Variants in CACNA2D1 observed in about 807,000 individuals in gnomAD.
The protein encoded by CACNA2D1 is voltage-dependent calcium channel subunit alpha-2/delta-1.
CACNA2D1 carries 53 observed loss-of-function variants against 171.5 expected under a neutral mutation model. That is an observed-to-expected ratio of 0.31 (90% CI 0.25 to 0.39). The LOEUF is 0.39. CACNA2D1 is among the 10% of genes least tolerant of loss of function. The pLI is 1.00. For missense variants in CACNA2D1, 903 were observed against 1,299.8 expected, an observed-to-expected ratio of 0.69 and a Z score of 4.69; for synonymous variants, 442 against 443.1, an observed-to-expected ratio of 1.00 and a Z score of 0.03.
chr7:82,128,610 T>C (rs1236492483), intron 5 of CACNA2D1, among the ~76,000 whole-genome samples: 3 of 152,128 alleles, frequency 2.0e-5, no homozygotes, highest in African/African-American at 4.8e-5. Flanking sequence ...ACAAAATCAA[T>C]AGATTACACT....
intron 2 of CACNA2D1, among the ~76,000 whole-genome samples, chr7:82,346,429 G>T (rs1274147931): frequency 6.6e-6 from 1 of 152,114 alleles, no homozygotes; most frequent in African/African-American, 2.4e-5. Context: ...AGATCCTAAA[G>T]CTGGCAATTG....
intron 3 of CACNA2D1, among the ~76,000 whole-genome samples, chr7:82,307,849 G>A (rs1461999697): frequency 2.0e-5 from 3 of 152,172 alleles, no homozygotes; most frequent in Non-Finnish European, 4.4e-5. Flanking sequence ...ATATTCAAAA[G>A]CTGGAATACT....
At chr7:82,002,817 A>G (rs1798742665) in intron 18 of CACNA2D1, among the ~76,000 whole-genome samples, 1 of 152,080 alleles carries the variant, frequency 6.6e-6, no homozygotes, top group Admixed American at 6.5e-5. Flanking sequence ...AAAATTAAAT[A>G]TGTGAAAAGT....
intron 6 of CACNA2D1, among the ~76,000 whole-genome samples, chr7:82,100,540 A>G (rs926522778): frequency 2.6e-5 from 4 of 152,212 alleles, no homozygotes; most frequent in African/African-American, 9.6e-5. Flanking sequence ...GTTCAGAATA[A>G]GTTGAAATAA....
chr7:81,975,323 AAAT>A (rs1795727586), intron 24 of CACNA2D1, among the ~76,000 whole-genome samples: 1 of 152,160 alleles, frequency 6.6e-6, no homozygotes, highest in Admixed American at 6.6e-5. Context: ...TATTTTAATA[AAAT>A]ATTACCATTA....
chr7:82,433,903 C>G (rs1305618133), intron 1 of CACNA2D1, among the ~76,000 whole-genome samples: 1 of 152,212 alleles, frequency 6.6e-6, no homozygotes, highest in Admixed American at 6.5e-5. Context: ...TTCCAAATCC[C>G]ATCTCCTGGT....
chr7:82,397,295 A>T lies in CACNA2D1; in HGVS notation c.95+46070T>A, dbSNP rs73384026. ...GTATCATTGTATTTGTACTTAAAAT[A>T]AAAAAATTGAATATTCTTATATGAA... On this transcript the variant is annotated intron_variant, in intron 1 of 38. Coordinates refer to ENST00000356860, the MANE Select transcript of CACNA2D1 (RefSeq NM_000722.4). 3.4e-3 allele frequency among the ~76,000 whole-genome samples: 511 copies of T among 152,102 alleles called. 2 individuals carry two copies. Among genetic ancestry groups the T allele is most frequent in the African/African-American group, 0.012 (491 of 41,380 alleles).
chr7:82,306,528 C>G (rs1213440839), intron 3 of CACNA2D1, among the ~76,000 whole-genome samples: 1 of 152,206 alleles, frequency 6.6e-6, no homozygotes, highest in Non-Finnish European at 1.5e-5. Flanking sequence ...TCCATTGTCA[C>G]AGATTAATGG....
At position 82,075,367 on chromosome 7, in the gene CACNA2D1, TACTC is replaced by T. The variant is rs150269830; in HGVS notation, c.659-8847_659-8844del. The stretch of plus-strand genomic sequence containing the variant: ...GGAAAAGTCGGGTAGTTAAATGAAA[TACTC>T]AATAAAGTAAATGGTACACAAACAT... On this transcript the variant is annotated intron_variant, in intron 7 of 38. Transcript: ENST00000356860. Among the ~76,000 whole-genome samples the T allele has an allele frequency of 5.4e-3, 829 of 152,208 alleles. 6 individuals carry two copies. Among genetic ancestry groups the T allele is most frequent in the African/African-American group, 0.019 (799 of 41,530 alleles).
In CACNA2D1 at chr7:82,307,103, T is replaced by G. The variant is rs567540332; in HGVS notation, c.294+28032A>C. Among the ~76,000 whole-genome samples, 5 of 152,278 alleles carry G rather than the reference T, an allele frequency of 3.3e-5. No individual in the cohort carries two copies. The South Asian group carries it at 1.0e-3, about 32-fold the overall frequency. On this transcript the variant is annotated intron_variant, in intron 3 of 38. Transcript: ENST00000356860. ...ATCTCATTAGACACTCAGAGAGATG[T>G]GGATGTAAATTCCTTAACTTAGGAG...
At chr7:82,235,286 A>G (rs1403172373) in intron 3 of CACNA2D1, among the ~76,000 whole-genome samples, 1 of 152,192 alleles carries the variant, frequency 6.6e-6, no homozygotes, top group African/African-American at 2.4e-5. Flanking sequence ...TGTCTTCTGA[A>G]AGAAATATTC....
intron 18 of CACNA2D1, among the ~76,000 whole-genome samples, chr7:81,999,395 T>A (rs1798364503): frequency 1.3e-5 from 2 of 152,210 alleles, no homozygotes; most frequent in East Asian, 3.8e-4. Flanking sequence ...TTTTGTCTGA[T>A]ATTAAAATAC....
intron 3 of CACNA2D1, among the ~76,000 whole-genome samples, chr7:82,328,325 C>CTTGGGCCTCATTTTTA (rs1336732840): frequency 6.6e-6 from 1 of 152,052 alleles, no homozygotes; most frequent in Non-Finnish European, 1.5e-5. Flanking sequence ...TCATATGTAG[C>CTTGGGCCTCATTTTTA]TTGGGCCTCA....
intron 11 of CACNA2D1, among the ~76,000 whole-genome samples, chr7:82,037,773 A>G (rs1406546057): frequency 6.6e-6 from 1 of 152,230 alleles, no homozygotes; most frequent in Non-Finnish European, 1.5e-5. Context: ...AAAAGTAATG[A>G]TATTCTATAT....
At chr7:82,159,438 C>T (rs1020839168) in intron 4 of CACNA2D1, among the ~76,000 whole-genome samples, 1 of 151,746 alleles carries the variant, frequency 6.6e-6, no homozygotes. Flanking sequence ...TCCCTATATT[C>T]CATCAAATCA....
chr7:82,248,421 C>A (rs1437784231), intron 3 of CACNA2D1, among the ~76,000 whole-genome samples: 1 of 152,112 alleles, frequency 6.6e-6, no homozygotes. Flanking sequence ...CCCATTTGAA[C>A]TGTGCTGTTG....
chr7:82,034,858 C>T (rs997089469), intron 11 of CACNA2D1, among the ~76,000 whole-genome samples: 3 of 151,808 alleles, frequency 2.0e-5, no homozygotes, highest in African/African-American at 4.8e-5. Flanking sequence ...CAACATTTCC[C>T]GAGAGAGAGA....
rs1397860045 is a variant in CACNA2D1 at position 81,995,006 on chromosome 7, A to G, written c.1663-67T>C. The G allele has an allele frequency of 6.3e-6, 5 of 795,762 alleles. No homozygotes were observed. The African/African-American group carries it at 8.5e-5, about 14-fold the overall frequency. 49.3% of individuals were successfully genotyped at this position (795,762 alleles called of 1,614,324 possible). On this transcript the variant is annotated intron_variant, in intron 19 of 38. Transcript: ENST00000356860. ...CTGACCTGCCAAAATATGACTATTA[A>G]CATGGTAGTTTTTCAAGTTCTTTAC...
chr7:82,325,792 C>G (rs1268714874), intron 3 of CACNA2D1, among the ~76,000 whole-genome samples: 1 of 152,118 alleles, frequency 6.6e-6, no homozygotes, highest in East Asian at 1.9e-4. Context: ...AGCAGGTCCT[C>G]GAATAATGTC....
Sources: allele counts gnomAD v4.1 joint callset (sites outside exome capture counted in the v4.1 genomes callset), GRCh38; gene constraint gnomAD v4.1.1; transcripts MANE v1.5; gene names NCBI Gene and HGNC (gene_info 2026-07-23, HGNC 2026-07-21).